Variants in SPIDR observed in about 807,000 individuals in gnomAD.
The protein encoded by SPIDR is scaffold protein involved in DNA repair.
Under a neutral mutation model 104.6 loss-of-function variants are expected in SPIDR, and 93 were observed. The ratio of observed to expected loss-of-function variants is 0.89; its 90% CI spans 0.75 to 1.06. The LOEUF is 1.06. Among genes scored for constraint, SPIDR ranks in the 50% least tolerant of loss-of-function variants. The pLI, the probability that SPIDR is intolerant of heterozygous loss-of-function variation, is 0.00. For synonymous variants in SPIDR, 431 were observed against 416.9 expected (o/e 1.03, Z -0.41); for missense variants, 1,154 against 1,111.2 (o/e 1.04, Z -0.55).
intron 8 of SPIDR, among the ~76,000 whole-genome samples, chr8:47,539,888 T>G (rs541889542): frequency 1.3e-5 from 2 of 152,170 alleles, no homozygotes; most frequent in African/African-American, 4.8e-5. Context: ...GCCTGGCCTT[T>G]CTAGTGCATG....
chr8:47,342,020 A>G (rs1342520603), intron 5 of SPIDR, among the ~76,000 whole-genome samples: 2 of 151,948 alleles, frequency 1.3e-5, no homozygotes, highest in Non-Finnish European at 2.9e-5. Context: ...TTTTATTACT[A>G]TTTCTAGCGA....
intron 10 of SPIDR, among the ~76,000 whole-genome samples, chr8:47,658,652 C>T (rs2073418208): frequency 6.6e-6 from 1 of 151,078 alleles, no homozygotes. Context: ...AGGCCTTTCT[C>T]GGCCAGACTT....
chr8:47,570,941 A>G (rs1587898644), intron 8 of SPIDR, among the ~76,000 whole-genome samples: 1 of 152,210 alleles, frequency 6.6e-6, no homozygotes, highest in East Asian at 1.9e-4. Context: ...AAATACAAAA[A>G]TTAGCCAGGT....
intron 8 of SPIDR, among the ~76,000 whole-genome samples, chr8:47,462,335 A>G (rs1381517172): frequency 2.0e-5 from 3 of 152,122 alleles, no homozygotes; most frequent in Admixed American, 1.3e-4. Context: ...CTGAAGGAGC[A>G]ATCTGCTTCC....
chr8:47,708,833 A>G (rs1215322601), intron 14 of SPIDR, among the ~76,000 whole-genome samples: 1 of 152,174 alleles, frequency 6.6e-6, no homozygotes, highest in Non-Finnish European at 1.5e-5. Context: ...CTGTGACTTC[A>G]TGGCTAGATA....
At chr8:47,547,519 T>C in intron 8 of SPIDR, 1 of 186,694 alleles carries the variant, frequency 5.4e-6, no homozygotes. Context: ...CTCCGCCTCC[T>C]GGGTTTAAGC....
chr8:47,584,272 G>A (rs1322425473), intron 8 of SPIDR, among the ~76,000 whole-genome samples: 5 of 152,156 alleles, frequency 3.3e-5, no homozygotes, highest in Admixed American at 1.3e-4. Context: ...GCTTACCTGT[G>A]TAGTTATCTT....
intron 10 of SPIDR, among the ~76,000 whole-genome samples, chr8:47,658,628 T>C (rs1476986551): frequency 6.6e-6 from 1 of 151,686 alleles, no homozygotes; most frequent in Non-Finnish European, 1.5e-5. Context: ...AAAGATGGTG[T>C]GTGAGTATGG....
intron 8 of SPIDR, among the ~76,000 whole-genome samples, chr8:47,563,208 C>A (rs1364054859): frequency 6.6e-6 from 1 of 152,044 alleles, no homozygotes; most frequent in African/African-American, 2.4e-5. Flanking sequence ...CACACCCTGT[C>A]GCCTAGGCTG....
chr8:47,265,115 T>G (rs1244028454), intron 1 of SPIDR, among the ~76,000 whole-genome samples: 1 of 152,014 alleles, frequency 6.6e-6, no homozygotes, highest in Non-Finnish European at 1.5e-5. Context: ...AAGGCCTTGA[T>G]AGTCTCATTG....
chr8:47,563,414 T>A (rs537214366), intron 8 of SPIDR, among the ~76,000 whole-genome samples: 3 of 152,210 alleles, frequency 2.0e-5, no homozygotes, highest in African/African-American at 4.8e-5. Context: ...TTCAAGCTAT[T>A]CTTCGCCTCA....
chr8:47,570,952 G>T (rs1043529464), intron 8 of SPIDR, among the ~76,000 whole-genome samples: 5 of 152,094 alleles, frequency 3.3e-5, no homozygotes, highest in Non-Finnish European at 7.4e-5. Context: ...TTAGCCAGGT[G>T]TAGTGGTGGG....
intron 10 of SPIDR, among the ~76,000 whole-genome samples, chr8:47,601,192 CAG>C (rs1448433379): frequency 6.6e-6 from 1 of 152,044 alleles, no homozygotes; most frequent in Non-Finnish European, 1.5e-5. Context: ...TCCAGTTATT[CAG>C]AGTTAATGAA....
intron 1 of SPIDR, among the ~76,000 whole-genome samples, chr8:47,275,673 A>G (rs1181303187): frequency 6.6e-6 from 1 of 152,232 alleles, no homozygotes; most frequent in African/African-American, 2.4e-5. Flanking sequence ...ATAATGTCTA[A>G]TCAGAAGACT....
intron 11 of SPIDR, among the ~76,000 whole-genome samples, chr8:47,686,774 A>T (rs1348697586): frequency 6.6e-6 from 1 of 152,072 alleles, no homozygotes; most frequent in Non-Finnish European, 1.5e-5. Context: ...TAAAAATCTG[A>T]TTATTTCTTG....
intron 7 of SPIDR, among the ~76,000 whole-genome samples, chr8:47,412,032 G>A (rs1478947539): frequency 6.6e-6 from 1 of 152,152 alleles, no homozygotes; most frequent in Admixed American, 6.5e-5. Flanking sequence ...TTTGGTACCA[G>A]TACCATGGTG....
chr8:47,474,879 A>G (rs1381890201), intron 8 of SPIDR, among the ~76,000 whole-genome samples: 1 of 152,250 alleles, frequency 6.6e-6, no homozygotes, highest in African/African-American at 2.4e-5. Flanking sequence ...GAAAGCAGTT[A>G]CATCTGTGGC....
intron 8 of SPIDR, among the ~76,000 whole-genome samples, chr8:47,507,076 A>C (rs1417481049): frequency 6.6e-6 from 1 of 152,214 alleles, no homozygotes; most frequent in Non-Finnish European, 1.5e-5. Flanking sequence ...CCTTCTCTCC[A>C]GTAAGCATTC....
At chr8:47,333,164 G>T (rs1288375082) in intron 5 of SPIDR, among the ~76,000 whole-genome samples, 1 of 152,108 alleles carries the variant, frequency 6.6e-6, no homozygotes, top group African/African-American at 2.4e-5. Flanking sequence ...TTCAGGGGCA[G>T]TAACACTCAT....
Sources: allele counts gnomAD v4.1 joint callset (sites outside exome capture counted in the v4.1 genomes callset), GRCh38; gene constraint gnomAD v4.1.1; transcripts MANE v1.5; gene names NCBI Gene and HGNC (gene_info 2026-07-23, HGNC 2026-07-21).